The following KHDRBS2 variants were observed in gnomAD, a reference collection of about 807,000 sequenced individuals.
KHDRBS2 encodes KH domain-containing, RNA-binding, signal transduction-associated protein 2.
KHDRBS2 carries 26 observed loss-of-function variants against 44.3 expected under a neutral mutation model. The observed-to-expected ratio is 0.59, with a 90% CI of 0.43 to 0.81. KHDRBS2 has a LOEUF of 0.81. Ranked by LOEUF, KHDRBS2 falls within the 40% of genes least tolerant of loss-of-function variation. KHDRBS2 has a pLI of 0.00. For missense variants in KHDRBS2, 476 were observed against 433.1 expected (o/e 1.10, Z -0.88); for synonymous variants, 194 against 151.1 (o/e 1.28, Z -2.08).
chr6:61,697,134 T>C, intron 8 of KHDRBS2, 61 bp downstream of exon 8: 1 of 1,058,924 alleles, frequency 9.4e-7, no homozygotes, highest in Non-Finnish European at 1.5e-6. Context: ...AAATAATGTT[T>C]GAATTGTCGG....
At chr6:62,061,984 C>T (rs1195266404) in intron 2 of KHDRBS2, among the ~76,000 whole-genome samples, 3 of 151,892 alleles carry the variant, frequency 2.0e-5, no homozygotes, top group Admixed American at 6.6e-5. Flanking sequence ...GAGGCTCCTG[C>T]ATTCTTCACG....
At chr6:61,884,317 T>C (rs1158694887) in intron 6 of KHDRBS2, among the ~76,000 whole-genome samples, 1 of 152,108 alleles carries the variant, frequency 6.6e-6, no homozygotes, top group African/African-American at 2.4e-5. Flanking sequence ...TAGGTTAGCA[T>C]GATTGATTAT....
rs535860653 is a variant in KHDRBS2, at chr6:62,125,688, G to C, written c.219+51497C>G. ...GATATAGCACTGGACACAATCCTGAGGTCCTCATTCCAGGCACCAGCTCTT... is the reference window on the plus strand; with the variant it reads ...GATATAGCACTGGACACAATCCTGACGTCCTCATTCCAGGCACCAGCTCTT... On this transcript the variant is annotated intron_variant, in intron 2 of 8. Coordinates refer to ENST00000281156, the MANE Select transcript of KHDRBS2 (RefSeq NM_152688.4). 5.3e-5 allele frequency among the ~76,000 whole-genome samples: 8 copies of C among 152,236 alleles called. No individual in the cohort carries two copies. In the East Asian group the frequency reaches 1.2e-3, roughly 22 times the overall value.
At chr6:62,057,512 C>G (rs911819225) in intron 2 of KHDRBS2, among the ~76,000 whole-genome samples, 3 of 151,946 alleles carry the variant, frequency 2.0e-5, no homozygotes, top group Admixed American at 6.6e-5. Context: ...CCCCTTCAAA[C>G]AAAACCAATT....
chr6:62,219,946 A>C (rs1830621302), intron 1 of KHDRBS2, among the ~76,000 whole-genome samples: 1 of 147,874 alleles, frequency 6.8e-6, no homozygotes, highest in Admixed American at 6.8e-5. Flanking sequence ...AATAGTATAT[A>C]TATAACTGTA....
chr6:61,642,260 A>T, the KHDRBS2 span, among the ~76,000 whole-genome samples: 1 of 152,040 alleles, frequency 6.6e-6, no homozygotes. Context: ...TTTATTTGCC[A>T]TTATATCACC....
At chr6:62,177,710 T>C (rs1821429896) in intron 1 of KHDRBS2, among the ~76,000 whole-genome samples, 1 of 151,488 alleles carries the variant, frequency 6.6e-6, no homozygotes, top group Non-Finnish European at 1.5e-5. Context: ...ATATATGCTT[T>C]ATTTTTACTC....
Position 62,186,865 on chromosome 6 carries a change from C to T in KHDRBS2, c.92-9553G>A, listed in dbSNP as rs555523101. On this transcript the variant is annotated intron_variant, in intron 1 of 8. Transcript: ENST00000281156. Reference sequence around the variant, plus strand: ...TAAAACATTTTATTGATACTCATTCCATATATATCTACATGTAGTCGTCCC... The same window carrying T: ...TAAAACATTTTATTGATACTCATTCTATATATATCTACATGTAGTCGTCCC... Among the ~76,000 whole-genome samples the T allele has an allele frequency of 1.5e-3, 226 of 151,980 alleles. 2 individuals carry two copies. The highest frequency in any genetic ancestry group is 2.7e-3 in the Non-Finnish European group (185 of 67,914).
chr6:61,856,912 T>G (rs1796239181), intron 6 of KHDRBS2, among the ~76,000 whole-genome samples: 1 of 152,036 alleles, frequency 6.6e-6, no homozygotes, highest in South Asian at 2.1e-4. Context: ...GTAGAACATA[T>G]TGGGAAAAAA....
chr6:61,567,916 T>G, the KHDRBS2 span, among the ~76,000 whole-genome samples: 3 of 152,088 alleles, frequency 2.0e-5, no homozygotes, highest in South Asian at 6.2e-4. Context: ...AATTCAAATT[T>G]TTTTATCTAT....
intron 1 of KHDRBS2, among the ~76,000 whole-genome samples, chr6:62,223,961 A>T (rs1418021863): frequency 6.6e-6 from 1 of 151,694 alleles, no homozygotes; most frequent in East Asian, 1.9e-4. Context: ...ACTGTTCAAA[A>T]CCTCTTCCTG....
At chr6:61,915,548 A>G (rs1806837677) in intron 4 of KHDRBS2, among the ~76,000 whole-genome samples, 1 of 152,014 alleles carries the variant, frequency 6.6e-6, no homozygotes, top group East Asian at 1.9e-4. Flanking sequence ...ACACCTGGAA[A>G]TGTGGCCGAA....
chr6:61,673,112 C>T, the KHDRBS2 span, among the ~76,000 whole-genome samples: 1 of 151,906 alleles, frequency 6.6e-6, no homozygotes, highest in African/African-American at 2.4e-5. Context: ...GAATCCTTCC[C>T]CCATTGCTTG....
chr6:62,043,713 G>A (rs1787051422), intron 3 of KHDRBS2, among the ~76,000 whole-genome samples: 2 of 151,838 alleles, frequency 1.3e-5, no homozygotes, highest in African/African-American at 4.8e-5. Context: ...TCCCCAACAC[G>A]AGATAACACA....
At chr6:62,040,494 A>G (rs1562703158) in intron 3 of KHDRBS2, among the ~76,000 whole-genome samples, 1 of 152,072 alleles carries the variant, frequency 6.6e-6, no homozygotes, top group African/African-American at 2.4e-5. Flanking sequence ...TACAGCTTGC[A>G]TCTCTGCTCC....
At chr6:62,191,704 C>T (rs1824654832) in intron 1 of KHDRBS2, among the ~76,000 whole-genome samples, 2 of 151,936 alleles carry the variant, frequency 1.3e-5, no homozygotes, top group South Asian at 4.1e-4. Flanking sequence ...TTTCATAAAA[C>T]ATACACGGCT....
chr6:62,053,202 AG>A (rs1216812653), intron 2 of KHDRBS2, among the ~76,000 whole-genome samples: 2 of 152,070 alleles, frequency 1.3e-5, no homozygotes, highest in African/African-American at 4.8e-5. Context: ...AGTTGCACAA[AG>A]GGATCTCTCT....
intron 6 of KHDRBS2, among the ~76,000 whole-genome samples, chr6:61,780,007 T>G (rs1474627396): frequency 6.6e-6 from 1 of 152,200 alleles, no homozygotes; most frequent in Non-Finnish European, 1.5e-5. Flanking sequence ...TACTGTTTTG[T>G]GCATCTTATA....
At chr6:61,772,970 T>A (rs1224660200) in intron 6 of KHDRBS2, among the ~76,000 whole-genome samples, 1 of 152,216 alleles carries the variant, frequency 6.6e-6, no homozygotes, top group Non-Finnish European at 1.5e-5. Context: ...GGACCTGAAC[T>A]CATCATTTTT....
Sources: allele counts gnomAD v4.1 joint callset (sites outside exome capture counted in the v4.1 genomes callset), GRCh38; gene constraint gnomAD v4.1.1; transcripts MANE v1.5; gene names NCBI Gene and HGNC (gene_info 2026-07-23, HGNC 2026-07-21).